The following SLC8A1 variants were observed in gnomAD, a reference collection of about 807,000 sequenced individuals.
SLC8A1 encodes sodium/calcium exchanger 1.
A neutral mutation model predicts 68.3 loss-of-function variants in SLC8A1; 18 were observed. That is an observed-to-expected ratio of 0.26 (90% confidence interval 0.18 to 0.39). The LOEUF is 0.39. SLC8A1 is among the 10% of genes least tolerant of loss of function. The pLI, the probability that SLC8A1 is intolerant of heterozygous loss-of-function variation, is 1.00. For missense variants in SLC8A1, 985 were observed against 1,156.7 expected (o/e 0.85, Z 2.15); for synonymous variants, 475 against 415.5 (o/e 1.14, Z -1.74).
At chr2:40,293,696 G>C (rs1187443259) in intron 2 of SLC8A1, among the ~76,000 whole-genome samples, 1 of 152,174 alleles carries the variant, frequency 6.6e-6, no homozygotes, top group East Asian at 1.9e-4. Context: ...TTTCTCTCTG[G>C]TTACTTCAAG....
chr2:40,460,665 G>A (rs1024036052), intron 1 of SLC8A1, among the ~76,000 whole-genome samples: 2 of 151,822 alleles, frequency 1.3e-5, no homozygotes, highest in African/African-American at 2.4e-5. Flanking sequence ...CCGCCTCCTG[G>A]GTTCAAGTGA....
At chr2:40,306,775 G>T (rs2072697456) in intron 2 of SLC8A1, among the ~76,000 whole-genome samples, 2 of 152,116 alleles carry the variant, frequency 1.3e-5, no homozygotes, top group Non-Finnish European at 2.9e-5. Flanking sequence ...AGGCTCCACG[G>T]CTGGTTGGCC....
chr2:40,200,529 A>G (rs551103754), intron 2 of SLC8A1, among the ~76,000 whole-genome samples: 1 of 151,198 alleles, frequency 6.6e-6, no homozygotes, highest in Non-Finnish European at 1.5e-5. Flanking sequence ...CAGCACATGT[A>G]AACCATAATT....
chr2:40,275,904 A>C (rs1051138760), intron 2 of SLC8A1, among the ~76,000 whole-genome samples: 2 of 152,138 alleles, frequency 1.3e-5, no homozygotes, highest in African/African-American at 4.8e-5. Context: ...ACTCTCCTGC[A>C]AGTGGGACCC....
In SLC8A1 at chr2:40,413,526, C is replaced by G. The variant is rs534681436; in HGVS notation, c.1808+14947G>C. ...TTTAAGAATCTTTATAAGCAGAGCC[C>G]TTTTTTCTTAATAAAGGAGGAATTC... On this transcript the variant is annotated intron_variant, in intron 2 of 7. Transcript: ENST00000406785. 1.2e-4 allele frequency among the ~76,000 whole-genome samples: 18 copies of G among 152,178 alleles called. No individual in the cohort carries two copies. The South Asian group carries it at 3.3e-3, about 28-fold the overall frequency.
chr2:40,432,415 G>GTGTGTGTGTC (rs1167453627), intron 1 of SLC8A1, among the ~76,000 whole-genome samples: 1 of 144,816 alleles, frequency 6.9e-6, no homozygotes, highest in African/African-American at 2.6e-5. Context: ...GTGTGTGTGT[G>GTGTGTGTGTC]TGTGTGTGTA....
chr2:40,426,323 C>T (rs1696845016), intron 2 of SLC8A1, among the ~76,000 whole-genome samples: 2 of 151,946 alleles, frequency 1.3e-5, no homozygotes, highest in Admixed American at 6.6e-5. Context: ...ATAGAGATGG[C>T]ATGAATTATT....
intron 2 of SLC8A1, among the ~76,000 whole-genome samples, chr2:40,316,116 C>T (rs534580816): frequency 2.4e-4 from 36 of 152,174 alleles, no homozygotes; most frequent in African/African-American, 8.2e-4. Context: ...GGGTACCTCA[C>T]TGACATAGTA....
intron 2 of SLC8A1, among the ~76,000 whole-genome samples, chr2:40,240,527 A>G (rs1208181483): frequency 6.6e-6 from 1 of 152,204 alleles, no homozygotes; most frequent in Admixed American, 6.5e-5. Flanking sequence ...TTCCTGCTAT[A>G]TCCAACAAGT....
At chr2:40,469,154 G>T (rs533732454) in intron 1 of SLC8A1, among the ~76,000 whole-genome samples, 1 of 152,248 alleles carries the variant, frequency 6.6e-6, no homozygotes, top group African/African-American at 2.4e-5. Flanking sequence ...TAGCATTAAA[G>T]CATTAACTAT....
At chr2:40,147,481 G>A (rs904537909) in intron 6 of SLC8A1, among the ~76,000 whole-genome samples, 1 of 152,148 alleles carries the variant, frequency 6.6e-6, no homozygotes, top group Non-Finnish European at 1.5e-5. Context: ...AGTAGAATTG[G>A]TACTCAGCAA....
At chr2:40,210,399 G>A (rs951639656) in intron 2 of SLC8A1, among the ~76,000 whole-genome samples, 1 of 152,132 alleles carries the variant, frequency 6.6e-6, no homozygotes, top group African/African-American at 2.4e-5. Flanking sequence ...AGTGACTTCA[G>A]TTTCTAAAGG....
At chr2:40,363,438 C>T (rs893509908) in intron 2 of SLC8A1, among the ~76,000 whole-genome samples, 1 of 152,034 alleles carries the variant, frequency 6.6e-6, no homozygotes, top group African/African-American at 2.4e-5. Context: ...AGCTACAAAA[C>T]AGACCTCCAA....
intron 2 of SLC8A1, among the ~76,000 whole-genome samples, chr2:40,243,789 T>A (rs1289507057): frequency 3.3e-5 from 5 of 152,256 alleles, no homozygotes; most frequent in Admixed American, 2.6e-4. Context: ...TAGTTGAATC[T>A]ATTTTTTTTC....
chr2:40,118,277 CT>C (rs1464472061), intron 7 of SLC8A1: 1 of 152,252 alleles, frequency 6.6e-6, no homozygotes, highest in Non-Finnish European at 1.5e-5. Flanking sequence ...CACATTGCCC[CT>C]TCCAGGAAGC....
upstream of SLC8A1, among the ~76,000 whole-genome samples, chr2:40,452,320 G>T (rs1410506389): frequency 6.6e-6 from 1 of 151,942 alleles, no homozygotes; most frequent in South Asian, 2.1e-4. Flanking sequence ...GGCAAAGCCG[G>T]CGCGTTTCTG....
intron 2 of SLC8A1, among the ~76,000 whole-genome samples, chr2:40,200,249 T>A (rs185864674): frequency 0.48 from 12,953 of 26,968 alleles, 4,036 homozygotes; most frequent in Admixed American, 0.62. Context: ...AATATATATA[T>A]ATATATATAT....
intron 5 of SLC8A1, among the ~76,000 whole-genome samples, chr2:40,161,508 GT>G (rs1430866609): frequency 1.3e-5 from 2 of 152,158 alleles, no homozygotes; most frequent in Non-Finnish European, 2.9e-5. Flanking sequence ...GCACGTTGCA[GT>G]TTACCTTGCC....
At chr2:40,511,725 G>C (rs1706736993) in intron 1 of SLC8A1, among the ~76,000 whole-genome samples, 1 of 152,168 alleles carries the variant, frequency 6.6e-6, no homozygotes, top group Non-Finnish European at 1.5e-5. Flanking sequence ...AAGGTGCTGA[G>C]AAAAGCCCAG....
Sources: allele counts gnomAD v4.1 joint callset (sites outside exome capture counted in the v4.1 genomes callset), GRCh38; gene constraint gnomAD v4.1.1; transcripts MANE v1.5; gene names NCBI Gene and HGNC (gene_info 2026-07-23, HGNC 2026-07-21).